The following TNS4 variants were observed in gnomAD, a reference collection of about 807,000 sequenced individuals.
The protein encoded by TNS4 is tensin 4, also known as tensin-4.
A neutral mutation model predicts 70.4 loss-of-function variants in TNS4; 46 were observed. That is an observed-to-expected ratio of 0.65 (90% CI 0.52 to 0.84). The LOEUF (loss-of-function observed/expected upper bound fraction) is 0.84, where lower values mean the gene tolerates loss of function less well. TNS4 is among the 40% of genes least tolerant of loss of function. The probability of loss-of-function intolerance (pLI) is 0.00; values close to 1 mark genes in which losing one functional copy is unlikely to be tolerated. For missense variants in TNS4, 863 were observed against 907.0 expected (o/e 0.95, Z 0.62); for synonymous variants, 390 against 366.6 (o/e 1.06, Z -0.73).
Position 40,482,431 on chromosome 17 carries a change from AAG to A in TNS4, c.1502-17_1502-16del, listed in dbSNP as rs767706715. Reference sequence around the variant, plus strand: ...GCTGTCCTCACCTGGACAGAGAAGAAAGAGTGCATTCGGATAGAATTCCACCT... The same window carrying A: ...GCTGTCCTCACCTGGACAGAGAAGAAAGTGCATTCGGATAGAATTCCACCT... On this transcript the variant is annotated splice_polypyrimidine_tract_variant and intron_variant, in intron 6 of 12. Coordinates refer to ENST00000254051, the MANE Select transcript of TNS4 (RefSeq NM_032865.6). 5.6e-6 allele frequency: 9 copies of A among 1,613,274 alleles called. No individual in the cohort carries two copies. The highest frequency in any genetic ancestry group is 5.0e-5 in the Admixed American group (3 of 60,026).
chr17:40,497,153 G>A (rs919153752), intron 1 of TNS4, among the ~76,000 whole-genome samples: 22 of 152,154 alleles, frequency 1.4e-4, no homozygotes, highest in African/African-American at 4.8e-4. Flanking sequence ...GCAGTGTCAC[G>A]AGAGAGGAGG....
chr17:40,500,131 G>A (rs1333321913), intron 1 of TNS4, among the ~76,000 whole-genome samples: 1 of 152,158 alleles, frequency 6.6e-6, no homozygotes, highest in African/African-American at 2.4e-5. Context: ...TGTGAATTGG[G>A]GTTTAAACCC....
At chr17:40,489,813 A>AAAAAAAAAAAAC (rs1555593256) in intron 2 of TNS4, among the ~76,000 whole-genome samples, 1 of 150,894 alleles carries the variant, frequency 6.6e-6, no homozygotes, top group African/African-American at 2.4e-5. Flanking sequence ...AAAAAAAAAA[A>AAAAAAAAAAAAC]GGAAGTGGTT....
In TNS4 at chr17:40,477,548, C is replaced by T. The variant is rs1275116440; in HGVS notation, c.*40G>A. 5 of 1,609,104 alleles carry T rather than the reference C, an allele frequency of 3.1e-6. No individual in the cohort carries two copies. Among genetic ancestry groups the T allele is most frequent in the Admixed American group, 1.7e-5 (1 of 59,706 alleles). ...GGGTGGAGGGGGGCTCCTTAGCGAG[C>T]CCCTGGAGGTGTTGGTTAGGTGCAC... On this transcript the variant is annotated 3_prime_UTR_variant, in exon 13 of 13. Transcript: ENST00000254051.
At chr17:40,478,010 C>G (rs1395529774) in intron 12 of TNS4, 1 of 598,724 alleles carries the variant, frequency 1.7e-6, no homozygotes, top group Non-Finnish European at 2.9e-6. Flanking sequence ...TGGAAGCTCC[C>G]TGAGGGCAAG....
chr17:40,482,670 C>T (rs959653830), intron 6 of TNS4, among the ~76,000 whole-genome samples: 2 of 151,712 alleles, frequency 1.3e-5, no homozygotes, highest in Non-Finnish European at 2.9e-5. Context: ...CCCAGCTACC[C>T]GGGAGGCTGA....
At chr17:40,491,735 C>A (rs545090011) in intron 2 of TNS4, among the ~76,000 whole-genome samples, 1 of 152,124 alleles carries the variant, frequency 6.6e-6, no homozygotes, top group African/African-American at 2.4e-5. Flanking sequence ...GGGCCTCTAC[C>A]CATTGCAGGG....
chr17:40,492,106 G>C (rs560272255), intron 2 of TNS4, among the ~76,000 whole-genome samples: 2 of 152,158 alleles, frequency 1.3e-5, no homozygotes, highest in Non-Finnish European at 2.9e-5. Flanking sequence ...CCAGGAGGTC[G>C]CGCCTCAGAA....
At chr17:40,478,124 A>AC in intron 12 of TNS4, 183 bp downstream of exon 12, 1 of 739,682 alleles carries the variant, frequency 1.4e-6, no homozygotes, top group East Asian at 2.7e-5. Context: ...GGCTCATGTC[A>AC]CCCCCAACAG....
intron 10 of TNS4, 141 bp downstream of exon 10, chr17:40,479,533 G>A: frequency 1.0e-6 from 1 of 1,000,986 alleles, no homozygotes; most frequent in Non-Finnish European, 1.4e-6. Context: ...GCTGCCTGGA[G>A]TCACTCAGCA....
At chr17:40,481,505 C>T (rs944077773) in intron 8 of TNS4, among the ~76,000 whole-genome samples, 1 of 152,184 alleles carries the variant, frequency 6.6e-6, no homozygotes. Context: ...GCTGGGATTA[C>T]AGGCGCCCAC....
At chr17:40,495,448 G>A (rs1236104359) in intron 2 of TNS4, among the ~76,000 whole-genome samples, 1 of 152,170 alleles carries the variant, frequency 6.6e-6, no homozygotes, top group East Asian at 1.9e-4. Flanking sequence ...CCCAACCAGA[G>A]AGCCAGGTAA....
intron 2 of TNS4, among the ~76,000 whole-genome samples, chr17:40,489,806 A>AAAAAAAAAG (rs1419494499): frequency 6.6e-6 from 1 of 151,770 alleles, no homozygotes; most frequent in Admixed American, 6.6e-5. Flanking sequence ...CAAAAAAAAA[A>AAAAAAAAAG]AAAAAAAGGA....
At position 40,496,043 on chromosome 17, in the gene TNS4, GCCTGGGAGCCCCCAGTC is replaced by G; in HGVS notation, c.366_382del (p.Thr123Ter). ...TGACATGGTGCTCTGGGCCAGCTCA[GCCTGGGAGCCCCCAGTC>G]CCTGGGGGAAGCAGCTGGAAGGTGG... On this transcript the variant is annotated frameshift_variant, in exon 2 of 13. Coordinates refer to ENST00000254051, the MANE Select transcript of TNS4 (RefSeq NM_032865.6). LOFTEE classifies it high-confidence loss of function. 6.2e-7 allele frequency: 1 copy of G among 1,613,564 alleles called. No individual in the cohort carries two copies. The highest frequency in any genetic ancestry group is 1.1e-5 in the South Asian group (1 of 90,982).
At chr17:40,494,750 A>G (rs1003522848) in intron 2 of TNS4, among the ~76,000 whole-genome samples, 4 of 109,600 alleles carry the variant, frequency 3.6e-5, no homozygotes, top group Non-Finnish European at 6.1e-5. Context: ...AAAAAAAAAA[A>G]ATTCAGCTCA....
Position 40,488,574 on chromosome 17 carries a change from C to G in TNS4, c.835G>C (p.Val279Leu). ...CCAAACATATAGCTGACATCAGACA[C>G]TGGGCTGGCTGACAGCACAGAGATC... is the stretch of plus-strand genomic sequence containing the variant. ...SRISVLSASP[V>L]SDVSYMFGSS... is the part of the protein sequence containing the mutation. The change falls in exon 3 of 13, where the codon GTG becomes CTG. Residue 279 changes from valine to leucine, a missense_variant. By Grantham distance (32) the Val-to-Leu change is conservative. Coordinates refer to ENST00000254051, the MANE Select transcript of TNS4 (RefSeq NM_032865.6). 1 of 1,511,418 alleles carries G rather than the reference C, an allele frequency of 6.6e-7. No individual in the cohort carries two copies. The highest frequency in any genetic ancestry group is 8.9e-7 in the Non-Finnish European group (1 of 1,129,792). The allele number at this position is 1,511,418 out of a possible 1,614,324, so 93.6% of individuals were successfully genotyped here.
chr17:40,479,803 G>A lies in TNS4; in HGVS notation c.1781C>T (p.Thr594Ile). Reference sequence around the variant, plus strand: ...CTGCACGGCCAGGGCTCCAGTCAGGGTCTCCACGCTCACTGAGCTCAGGTA... The same window carrying A: ...CTGCACGGCCAGGGCTCCAGTCAGGATCTCCACGCTCACTGAGCTCAGGTA... ...TLYLSSVSVE[T>I]LTGALAVQKA... Residue 594 changes from threonine to isoleucine, a missense_variant, in exon 10 of 13, where the codon ACC (threonine) becomes ATC (isoleucine). By Grantham distance (89) the Thr-to-Ile change is moderately conservative. Transcript: ENST00000254051. 1 of 1,613,768 alleles carries A rather than the reference G, an allele frequency of 6.2e-7. No individual in the cohort carries two copies. Among genetic ancestry groups the A allele is most frequent in the Non-Finnish European group, 8.5e-7 (1 of 1,179,956 alleles).
rs758192891 is a variant in TNS4 at position 40,487,212 on chromosome 17, T to C, written c.1112A>G (p.Asp371Gly). The change falls in exon 4 of 13, where the codon GAC becomes GGC. Residue 371 changes from aspartate to glycine, a missense_variant. Transcript: ENST00000254051. The stretch of plus-strand genomic sequence containing the variant: ...GCCGTTGATCAGCACAATGGGTATG[T>C]CCACCATGGAGTTGGTGATGGATGG... The part of the protein sequence containing the change: ...CPPSITNSMV[D>G]IPIVLINGCP... The C allele has an allele frequency of 4.3e-6, 7 of 1,614,054 alleles. No individual in the cohort carries two copies. The highest frequency in any genetic ancestry group is 1.7e-5 in the Admixed American group (1 of 60,006).
At position 40,501,617 on chromosome 17, in the gene TNS4, G is replaced by T. The variant is rs895224710; in HGVS notation, c.-179C>A. The T allele has an allele frequency of 3.3e-5, 5 of 152,254 alleles. No individual in the cohort carries two copies. The highest frequency in any genetic ancestry group is 1.2e-4 in the African/African-American group (5 of 41,440). 9.4% of individuals were successfully genotyped at this position (152,254 alleles called of 1,614,324 possible). On this transcript the variant is annotated 5_prime_UTR_variant, in exon 1 of 13. Coordinates refer to ENST00000254051, the MANE Select transcript of TNS4 (RefSeq NM_032865.6). The stretch of plus-strand genomic sequence containing the variant: ...ACTCAGAGTCCAGGTGAAGAGTCAG[G>T]AGAGGCGCCAGTTCACCTCCAGACC...
Sources: allele counts gnomAD v4.1 joint callset (sites outside exome capture counted in the v4.1 genomes callset), GRCh38; gene constraint gnomAD v4.1.1; transcripts MANE v1.5; gene names NCBI Gene and HGNC (gene_info 2026-07-23, HGNC 2026-07-21).